The following STRBP variants were observed in gnomAD, a reference collection of about 807,000 sequenced individuals.
STRBP encodes spermatid perinuclear RNA-binding protein.
A neutral mutation model predicts 80.1 loss-of-function variants in STRBP; 13 were observed. The observed-to-expected ratio is 0.16, with a 90% confidence interval of 0.11 to 0.26. The LOEUF (loss-of-function observed/expected upper bound fraction) is 0.26, where lower values mean the gene tolerates loss of function less well. Ranked by LOEUF, STRBP falls within the 10% of genes least tolerant of loss-of-function variation. The probability of loss-of-function intolerance (pLI) is 1.00; values close to 1 mark genes in which losing one functional copy is unlikely to be tolerated. For synonymous variants in STRBP, 284 were observed against 291.2 expected (o/e 0.98, Z 0.25); for missense variants, 485 against 815.2 (o/e 0.59, Z 4.93).
intron 2 of STRBP, among the ~76,000 whole-genome samples, chr9:123,192,791 CATT>C (rs2038968644): frequency 1.3e-5 from 2 of 152,194 alleles, no homozygotes; most frequent in African/African-American, 4.8e-5. Flanking sequence ...TTCAGCCCAT[CATT>C]GAGGAAAATT....
chr9:123,159,065 T>C (rs2037412534), intron 9 of STRBP, 31 bp downstream of exon 9: 1 of 1,532,718 alleles, frequency 6.5e-7, no homozygotes, highest in Non-Finnish European at 9.0e-7. Flanking sequence ...GATTTGCTGA[T>C]TGTTCTGCTT....
rs966618411 is a variant in STRBP at position 123,123,879 on chromosome 9, G to C, written c.*1718C>G. On this transcript the variant is annotated 3_prime_UTR_variant, in exon 19 of 19. Transcript: ENST00000348403. The stretch of plus-strand genomic sequence containing the variant: ...CCATAGGTCAGCAAAACGCATCAAT[G>C]AAACATGAAAACTCCCAGCTGAAAT... 8 of 985,250 alleles carry C rather than the reference G, an allele frequency of 8.1e-6. No individual in the cohort carries two copies. Among genetic ancestry groups the C allele is most frequent in the Non-Finnish European group, 9.6e-6 (8 of 829,912 alleles). 61.0% of individuals were successfully genotyped at this position (985,250 alleles called of 1,614,324 possible). A position where few individuals can be genotyped will look rare whatever the true frequency, so the allele number is the denominator to read the frequency against.
At chr9:123,188,438 G>A (rs762571367) in intron 2 of STRBP, among the ~76,000 whole-genome samples, 2 of 152,096 alleles carry the variant, frequency 1.3e-5, no homozygotes, top group South Asian at 2.1e-4. Context: ...TCAGAAGATC[G>A]AGACCATCCT....
chr9:123,262,827 A>C (rs1002100810), intron 1 of STRBP, among the ~76,000 whole-genome samples: 8 of 152,246 alleles, frequency 5.3e-5, no homozygotes, highest in Non-Finnish European at 1.0e-4. Flanking sequence ...CATGAAAATT[A>C]CAAATCAGGT....
chr9:123,216,105 C>T (rs1487363673), intron 2 of STRBP, among the ~76,000 whole-genome samples: 1 of 152,174 alleles, frequency 6.6e-6, no homozygotes, highest in Non-Finnish European at 1.5e-5. Flanking sequence ...CTGCATTCAA[C>T]TTAAGACAGT....
intron 3 of STRBP, chr9:123,113,244 T>G (rs371753165): frequency 3.6e-5 from 6 of 167,496 alleles, no homozygotes; most frequent in African/African-American, 9.6e-5. Flanking sequence ...TGAGCACAGC[T>G]GTCCAGTGGC....
At chr9:123,116,622 TC>T (rs1232475539), downstream of STRBP, among the ~76,000 whole-genome samples, 1 of 152,106 alleles carries the variant, frequency 6.6e-6, no homozygotes, top group Non-Finnish European at 1.5e-5. Context: ...TTGCTTGGTT[TC>T]AAGGCGCACA....
chr9:123,132,777 G>A lies in STRBP; in HGVS notation c.1897+68C>T, dbSNP rs984319822. On this transcript the variant is annotated intron_variant, in intron 17 of 18. Transcript: ENST00000348403. ...CAAACCCTGTACAACCTTAGAAAAT[G>A]CAGGAGATGCTATTCTTTGAATTTC... is the stretch of plus-strand genomic sequence containing the variant. 3.2e-6 allele frequency: 5 copies of A among 1,585,804 alleles called. No homozygotes were observed. The Admixed American group carries it at 5.2e-5, about 17-fold the overall frequency.
At position 123,123,682 on chromosome 9, in the gene STRBP, T is replaced by G; in HGVS notation, c.*1915A>C. 5 of 985,412 alleles carry G rather than the reference T, an allele frequency of 5.1e-6. No individual in the cohort carries two copies. The highest frequency in any genetic ancestry group is 1.7e-5 in the African/African-American group (1 of 57,340). The allele number at this position is 985,412 out of a possible 1,614,324, so 61.0% of individuals were successfully genotyped here. On this transcript the variant is annotated 3_prime_UTR_variant, in exon 19 of 19. Transcript: ENST00000348403. Reference sequence around the variant, plus strand: ...AAAGAATTTTCTAACGAGAAATATCTAGAGATTCCAACGTGGAATCCAAAT... The same window carrying G: ...AAAGAATTTTCTAACGAGAAATATCGAGAGATTCCAACGTGGAATCCAAAT...
downstream of STRBP, among the ~76,000 whole-genome samples, chr9:123,120,653 T>TA (rs1470456496): frequency 3.3e-5 from 5 of 151,738 alleles, no homozygotes; most frequent in African/African-American, 4.8e-5. Context: ...CATCTGTCAT[T>TA]AAAAAAAATG....
At chr9:123,203,662 T>C (rs1372147088) in intron 2 of STRBP, among the ~76,000 whole-genome samples, 1 of 152,068 alleles carries the variant, frequency 6.6e-6, no homozygotes, top group Non-Finnish European at 1.5e-5. Context: ...AGCCTATCTC[T>C]GACCACCCTA....
intron 2 of STRBP, among the ~76,000 whole-genome samples, chr9:123,228,153 G>C (rs1158252021): frequency 6.6e-6 from 1 of 152,168 alleles, no homozygotes. Context: ...GCATTGCCTT[G>C]ATCAGAGATG....
intron 1 of STRBP, among the ~76,000 whole-genome samples, chr9:123,252,092 A>G (rs1247843351): frequency 6.6e-6 from 1 of 152,140 alleles, no homozygotes; most frequent in Non-Finnish European, 1.5e-5. Context: ...ATTTCTGAGA[A>G]AAAGGAAAAG....
chr9:123,184,545 A>G (rs1409975030), intron 2 of STRBP, among the ~76,000 whole-genome samples: 1 of 152,200 alleles, frequency 6.6e-6, no homozygotes, highest in South Asian at 2.1e-4. Flanking sequence ...ACTCAATGAG[A>G]TAAATACATT....
intron 3 of STRBP, chr9:123,114,207 C>A (rs2035609742): frequency 1.2e-5 from 2 of 167,108 alleles, no homozygotes. Context: ...TGCAGAAACC[C>A]ATGCTGGCCT....
intron 13 of STRBP, among the ~76,000 whole-genome samples, chr9:123,142,763 T>C (rs2036647238): frequency 1.3e-5 from 2 of 152,182 alleles, no homozygotes; most frequent in Non-Finnish European, 2.9e-5. Flanking sequence ...TTTACTGTTT[T>C]AACAACTGTC....
chr9:123,204,950 G>A (rs947153593), intron 2 of STRBP, among the ~76,000 whole-genome samples: 10 of 133,446 alleles, frequency 7.5e-5, no homozygotes, highest in South Asian at 2.4e-4. Context: ...AAGAAAGAAA[G>A]AAAGGAAAAA....
chr9:123,169,085 T>TA (rs1282342467), intron 6 of STRBP, among the ~76,000 whole-genome samples: 1 of 151,962 alleles, frequency 6.6e-6, no homozygotes, highest in Non-Finnish European at 1.5e-5. Flanking sequence ...TCCCTTACAC[T>TA]ATAAAACAAA....
At chr9:123,230,464 T>C (rs1304752329) in intron 2 of STRBP, among the ~76,000 whole-genome samples, 1 of 152,168 alleles carries the variant, frequency 6.6e-6, no homozygotes, top group Non-Finnish European at 1.5e-5. Context: ...CCTAATACAC[T>C]TCTGGGAAGA....
Sources: gnomAD v4.1 joint callset for allele counts (sites outside exome capture counted in the v4.1 genomes callset) on GRCh38, gnomAD v4.1.1 for gene constraint, MANE v1.5 for transcripts, NCBI Gene and HGNC (gene_info 2026-07-23, HGNC 2026-07-21) for gene names.